Variants in LRRTM4 observed in about 807,000 individuals in gnomAD.
LRRTM4 encodes leucine rich repeat transmembrane neuronal 4.
Under a neutral mutation model 47.6 loss-of-function variants are expected in LRRTM4, and 25 were observed. The observed-to-expected ratio is 0.53, with a 90% CI of 0.38 to 0.73. The LOEUF (loss-of-function observed/expected upper bound fraction) is 0.73, where lower values mean the gene tolerates loss of function less well. LRRTM4 is among the 30% of genes least tolerant of loss of function. The probability of loss-of-function intolerance (pLI) is 0.00; values close to 1 mark genes in which losing one functional copy is unlikely to be tolerated. For synonymous variants in LRRTM4, 311 were observed against 269.5 expected, an observed-to-expected ratio of 1.15 and a Z score of -1.51; for missense variants, 638 against 713.4, an observed-to-expected ratio of 0.89 and a Z score of 1.20.
intron 3 of LRRTM4, among the ~76,000 whole-genome samples, chr2:77,372,870 T>C (rs758152554): frequency 7.9e-5 from 12 of 151,310 alleles, no homozygotes; most frequent in Non-Finnish European, 1.5e-4. Context: ...AATTCAATTC[T>C]TTCTGGAAAT....
chr2:77,309,376 G>A (rs955740061), intron 3 of LRRTM4, among the ~76,000 whole-genome samples: 1 of 152,154 alleles, frequency 6.6e-6, no homozygotes, highest in Non-Finnish European at 1.5e-5. Flanking sequence ...TTCAAATGCT[G>A]AAAAATTTGC....
intron 3 of LRRTM4, among the ~76,000 whole-genome samples, chr2:76,917,985 T>G (rs1674310717): frequency 6.6e-6 from 1 of 152,186 alleles, no homozygotes; most frequent in South Asian, 2.1e-4. Flanking sequence ...CCTGCAATCT[T>G]GACTATAACA....
At chr2:77,485,603 G>GA (rs1677879042) in intron 3 of LRRTM4, among the ~76,000 whole-genome samples, 1 of 152,184 alleles carries the variant, frequency 6.6e-6, no homozygotes, top group Non-Finnish European at 1.5e-5. Flanking sequence ...AAAATAAAAG[G>GA]AACCAATGAG....
intron 3 of LRRTM4, among the ~76,000 whole-genome samples, chr2:77,415,959 T>C (rs1310542630): frequency 6.6e-6 from 1 of 152,138 alleles, no homozygotes; most frequent in Non-Finnish European, 1.5e-5. Flanking sequence ...GATTTATTTT[T>C]GGTTACTAGA....
At chr2:77,130,906 C>T (rs1281365505) in intron 3 of LRRTM4, among the ~76,000 whole-genome samples, 1 of 113,146 alleles carries the variant, frequency 8.8e-6, no homozygotes, top group African/African-American at 3.5e-5. Context: ...GGGATCTTGG[C>T]TCACTGCAAG....
chr2:77,183,063 C>A (rs1454888543), intron 3 of LRRTM4, among the ~76,000 whole-genome samples: 1 of 152,126 alleles, frequency 6.6e-6, no homozygotes, highest in Non-Finnish European at 1.5e-5. Flanking sequence ...GCAATGGCAA[C>A]AAAAGCCAAA....
intron 3 of LRRTM4, among the ~76,000 whole-genome samples, chr2:77,313,011 A>G (rs1218525977): frequency 6.6e-6 from 1 of 152,158 alleles, no homozygotes; most frequent in African/African-American, 2.4e-5. Flanking sequence ...CCATCTCTTT[A>G]GGATATTTTA....
intron 3 of LRRTM4, among the ~76,000 whole-genome samples, chr2:77,457,038 ATATATATATATATG>A (rs1272042273): frequency 0.028 from 694 of 25,016 alleles, 32 homozygotes; most frequent in Middle Eastern, 0.1. Flanking sequence ...ATATATATAT[ATATATATATATATG>A]TATAACCTGG....
intron 3 of LRRTM4, among the ~76,000 whole-genome samples, chr2:77,443,402 G>A (rs757605789): frequency 3.3e-5 from 5 of 152,178 alleles, no homozygotes; most frequent in South Asian, 2.1e-4. Context: ...TATAATACCC[G>A]TATGGTAGCC....
chr2:77,234,382 A>G (rs1159582290), intron 3 of LRRTM4, among the ~76,000 whole-genome samples: 1 of 152,192 alleles, frequency 6.6e-6, no homozygotes, highest in East Asian at 1.9e-4. Context: ...AAATGGAATC[A>G]CTATAATGAT....
At chr2:77,274,019 T>C (rs1676273124) in intron 3 of LRRTM4, among the ~76,000 whole-genome samples, 1 of 152,098 alleles carries the variant, frequency 6.6e-6, no homozygotes, top group Admixed American at 6.6e-5. Context: ...ATGCTTGAGA[T>C]TCATTAGTTT....
chr2:77,359,061 T>C (rs1356150047), intron 3 of LRRTM4, among the ~76,000 whole-genome samples: 1 of 152,202 alleles, frequency 6.6e-6, no homozygotes, highest in African/African-American at 2.4e-5. Context: ...TATCTTTGTT[T>C]TTGATGCTTT....
At chr2:77,025,838 AAC>A (rs778077289) in intron 3 of LRRTM4, among the ~76,000 whole-genome samples, 17 of 152,276 alleles carry the variant, frequency 1.1e-4, no homozygotes, top group African/African-American at 4.1e-4. Flanking sequence ...CCATTTTATC[AAC>A]AGTTATTTCC....
At chr2:77,172,389 G>C (rs997532085) in intron 3 of LRRTM4, among the ~76,000 whole-genome samples, 1 of 152,098 alleles carries the variant, frequency 6.6e-6, no homozygotes, top group African/African-American at 2.4e-5. Flanking sequence ...GAGATCAGGA[G>C]TTCGAGACTA....
intron 3 of LRRTM4, among the ~76,000 whole-genome samples, chr2:76,842,223 G>A (rs576205333): frequency 1.3e-5 from 2 of 152,222 alleles, no homozygotes; most frequent in South Asian, 2.1e-4. Flanking sequence ...TGCAGGCCTC[G>A]GTGCTTCTGG....
intron 3 of LRRTM4, among the ~76,000 whole-genome samples, chr2:77,464,403 T>A (rs67709230): frequency 0.23 from 34,969 of 152,068 alleles, 4,573 homozygotes; most frequent in South Asian, 0.38. Context: ...ATAGTCACAT[T>A]AAAAATGTAA....
chr2:76,856,878 T>C (rs1672167030), intron 3 of LRRTM4, among the ~76,000 whole-genome samples: 1 of 152,144 alleles, frequency 6.6e-6, no homozygotes, highest in South Asian at 2.1e-4. Context: ...TTTCTTGCTT[T>C]TCTGTTTCCT....
At chr2:77,520,891 T>G (rs950850949) in intron 2 of LRRTM4, among the ~76,000 whole-genome samples, 1 of 150,642 alleles carries the variant, frequency 6.6e-6, no homozygotes, top group Admixed American at 6.6e-5. Context: ...AGTAGATTTA[T>G]TATTTCTTAA....
chr2:76,970,293 A>C (rs2103938063), intron 3 of LRRTM4, among the ~76,000 whole-genome samples: 1 of 152,112 alleles, frequency 6.6e-6, no homozygotes, highest in Non-Finnish European at 1.5e-5. Context: ...TATTTTGTTC[A>C]CAGACAAAAG....
Sources: gnomAD v4.1 joint callset for allele counts (sites outside exome capture counted in the v4.1 genomes callset) on GRCh38, gnomAD v4.1.1 for gene constraint, MANE v1.5 for transcripts, NCBI Gene and HGNC (gene_info 2026-07-23, HGNC 2026-07-21) for gene names.